Variants in LRP1 observed in about 807,000 individuals in gnomAD.
The protein encoded by LRP1 is LDL receptor related protein 1, also known as prolow-density lipoprotein receptor-related protein 1.
In LRP1, 51 loss-of-function variants were observed where a neutral mutation model predicts 541.5. The ratio of observed to expected loss-of-function variants is 0.09; its 90% confidence interval spans 0.08 to 0.12. The LOEUF (loss-of-function observed/expected upper bound fraction) is 0.12, where lower values mean the gene tolerates loss of function less well. Among genes scored for constraint, LRP1 ranks in the 10% least tolerant of loss-of-function variants. The pLI is 1.00. For synonymous variants in LRP1, 2,219 were observed against 2,470.8 expected (o/e 0.90, Z 3.02); for missense variants, 3,878 against 6,376.2 (o/e 0.61, Z 13.34).
chr12:57,188,599 C>G (rs2036316419), intron 42 of LRP1, among the ~76,000 whole-genome samples: 1 of 152,190 alleles, frequency 6.6e-6, no homozygotes, highest in South Asian at 2.1e-4. Flanking sequence ...TGGAGCTTCC[C>G]TGGAGGGTCC....
Position 57,173,815 on chromosome 12 carries a change from G to A in LRP1, c.3382G>A (p.Asp1128Asn), listed in dbSNP as rs774179421. The change falls in exon 22 of 89, where the codon GAC (aspartate) becomes AAC (asparagine). Residue 1128 changes from aspartate to asparagine, a missense_variant. Physicochemically the swap from Asp to Asn is conservative, Grantham distance 23. Coordinates refer to ENST00000243077, the MANE Select transcript of LRP1 (RefSeq NM_002332.3). This position sits in a 1 kb window ranked among gnomAD's most constrained non-coding sequence, Gnocchi z 4.7. ...CISKAWVCDG[D>N]NDCEDNSDEE... ...CAGCAAAGCGTGGGTGTGTGATGGCGACAATGACTGTGAGGATAACTCGGA... is the reference window on the plus strand; with the variant it reads ...CAGCAAAGCGTGGGTGTGTGATGGCAACAATGACTGTGAGGATAACTCGGA... The A allele has an allele frequency of 7.4e-6, 12 of 1,614,180 alleles. No individual in the cohort carries two copies. Among genetic ancestry groups the A allele is most frequent in the Non-Finnish European group, 9.3e-6 (11 of 1,180,032 alleles).
At position 57,145,343 on chromosome 12, in the gene LRP1, G is replaced by A. The variant is rs1480504467; in HGVS notation, c.694G>A (p.Ala232Thr). ...ACCTACGAGCACGCGGCAGACCACAGCCATGGACTTCAGCTATGCCAACGA... is the reference window on the plus strand; with the variant it reads ...ACCTACGAGCACGCGGCAGACCACAACCATGGACTTCAGCTATGCCAACGA... ...ITPTSTRQTT[A>T]MDFSYANETV... The change falls in exon 6 of 89, where the codon GCC (alanine) becomes ACC (threonine). Residue 232 changes from alanine to threonine, a missense_variant. By Grantham distance (58) the Ala-to-Thr change is moderately conservative. Coordinates refer to ENST00000243077, the MANE Select transcript of LRP1 (RefSeq NM_002332.3). 4 of 1,614,068 alleles carry A rather than the reference G, an allele frequency of 2.5e-6. No homozygotes were observed. Among genetic ancestry groups the A allele is most frequent in the Non-Finnish European group, 3.4e-6 (4 of 1,180,050 alleles).
At position 57,197,430 on chromosome 12, in the gene LRP1, A is replaced by G; in HGVS notation, c.9162+46A>G. On this transcript the variant is annotated intron_variant, in intron 57 of 88. Coordinates refer to ENST00000243077, the MANE Select transcript of LRP1 (RefSeq NM_002332.3). The surrounding 1 kb of genome is among the most constrained non-coding windows in gnomAD (Gnocchi z 4.5). ...TCCCCGCTGCCCATCTCCCAGACCC[A>G]GCACAGCCTCCCTTGCAAGTCTCCC... 3 of 1,610,386 alleles carry G rather than the reference A, an allele frequency of 1.9e-6. No individual in the cohort carries two copies. The highest frequency in any genetic ancestry group is 2.5e-6 in the Non-Finnish European group (3 of 1,177,166).
intron 11 of LRP1, among the ~76,000 whole-genome samples, chr12:57,159,250 C>T (rs1192921005): frequency 1.3e-5 from 2 of 152,164 alleles, no homozygotes; most frequent in Non-Finnish European, 2.9e-5. Context: ...CAGTTATAAC[C>T]TTTGCCCTGC....
intron 41 of LRP1, among the ~76,000 whole-genome samples, chr12:57,186,546 G>A (rs1033848047): frequency 1.3e-5 from 2 of 152,250 alleles, no homozygotes; most frequent in African/African-American, 2.4e-5. Flanking sequence ...TAGGTGCTAC[G>A]TATACAGACC....
chr12:57,173,654 G>T lies in LRP1; in HGVS notation c.3347-126G>T. The T allele has an allele frequency of 2.0e-6, 2 of 983,994 alleles. No individual in the cohort carries two copies. Among genetic ancestry groups the T allele is most frequent in the Non-Finnish European group, 3.1e-6 (2 of 644,312 alleles). 61.0% of individuals were successfully genotyped at this position (983,994 alleles called of 1,614,324 possible). On this transcript the variant is annotated intron_variant, in intron 21 of 88. Transcript: ENST00000243077. The surrounding 1 kb of genome is among the most constrained non-coding windows in gnomAD (Gnocchi z 4.7). ...GTGAATTTGACCCAAAAAGCCTCGG[G>T]GTTCCTCGTGGACCCCACAGCGTTG...
At chr12:57,146,083 G>A (rs2035400549) in intron 6 of LRP1, among the ~76,000 whole-genome samples, 1 of 152,158 alleles carries the variant, frequency 6.6e-6, no homozygotes, top group African/African-American at 2.4e-5. Flanking sequence ...TTCCATTCAG[G>A]CTTCTCCCTA....
At chr12:57,190,717 G>A (rs1197149300) in intron 42 of LRP1, 88 bp from the exon 43 acceptor site, 1 of 1,265,408 alleles carries the variant, frequency 7.9e-7, no homozygotes, top group Non-Finnish European at 1.1e-6. Flanking sequence ...CAGGCTTCCA[G>A]GTTCCAGGTG....
At chr12:57,137,504 T>C (rs1168454612) in intron 1 of LRP1, among the ~76,000 whole-genome samples, 1 of 152,178 alleles carries the variant, frequency 6.6e-6, no homozygotes, top group African/African-American at 2.4e-5. Context: ...GGATGTCTAC[T>C]GAAAGTCTCC....
In LRP1 at chr12:57,201,690, C is replaced by T. The variant is rs2036659439; in HGVS notation, c.10468+71C>T. On this transcript the variant is annotated intron_variant, in intron 66 of 88. Coordinates refer to ENST00000243077, the MANE Select transcript of LRP1 (RefSeq NM_002332.3). The surrounding 1 kb of genome is among the most constrained non-coding windows in gnomAD (Gnocchi z 6.4). ...TGCTCACACCACCCCGACGTGTGAC[C>T]CCCTCAGTGGCTGCTCCCTCACTCT... 12 of 1,594,814 alleles carry T rather than the reference C, an allele frequency of 7.5e-6. No homozygotes were observed. The highest frequency in any genetic ancestry group is 1.3e-5 in the African/African-American group (1 of 74,820).
Position 57,173,193 on chromosome 12 carries a change from C to T in LRP1, c.3189C>T (p.His1063=). 6.2e-7 allele frequency: 1 copy of T among 1,612,540 alleles called. No individual in the cohort carries two copies. The highest frequency in any genetic ancestry group is 8.5e-7 in the Non-Finnish European group (1 of 1,179,140). ...NQATRPPGGC[H]TDEFQCRLDG... is the part of the protein sequence containing the mutation. ...CCACGAGGCCCCCTGGTGGCTGCCA[C>T]ACTGATGAGTTCCAGTGCCGGCTGG... The change falls in exon 21 of 89, where the codon CAC becomes CAT. Residue 1063 remains histidine, a synonymous_variant. Coordinates refer to ENST00000243077, the MANE Select transcript of LRP1 (RefSeq NM_002332.3). This position sits in a 1 kb window ranked among gnomAD's most constrained non-coding sequence, Gnocchi z 4.7.
chr12:57,174,137 G>T (rs1230547350), intron 22 of LRP1, among the ~76,000 whole-genome samples, 157 bp downstream of exon 22: 1 of 152,232 alleles, frequency 6.6e-6, no homozygotes, highest in East Asian at 1.9e-4. Context: ...GTGTGGACCT[G>T]GCGCTCCCCA....
chr12:57,191,663 C>G, intron 44 of LRP1, 151 bp downstream of exon 44: 1 of 615,100 alleles, frequency 1.6e-6, no homozygotes, highest in South Asian at 2.2e-5. Context: ...ACACACCACA[C>G]CACATACACA....
In LRP1 at chr12:57,204,297, G is replaced by T; in HGVS notation, c.10952-113G>T. On this transcript the variant is annotated intron_variant, in intron 70 of 88. Transcript: ENST00000243077. This position sits in a 1 kb window ranked among gnomAD's most constrained non-coding sequence, Gnocchi z 5.3. ...ATTTAAGAGACCTGGTTCCAATTTG[G>T]CTGTGCCACTGCTTGCCTGGTGACC... is the stretch of plus-strand genomic sequence containing the variant. 1.6e-6 allele frequency: 2 copies of T among 1,249,378 alleles called. No homozygotes were observed. Among genetic ancestry groups the T allele is most frequent in the Non-Finnish European group, 2.2e-6 (2 of 928,720 alleles). 77.4% of individuals were successfully genotyped at this position (1,249,378 alleles called of 1,614,324 possible). A position where few individuals can be genotyped will look rare whatever the true frequency, so the allele number is the denominator to read the frequency against.
At position 57,198,272 on chromosome 12, in the gene LRP1, G is replaced by A. The variant is rs2036576660; in HGVS notation, c.9399G>A (p.Gly3133=). 6.2e-7 allele frequency: 1 copy of A among 1,613,924 alleles called. No individual in the cohort carries two copies. Among genetic ancestry groups the A allele is most frequent in the African/African-American group, 1.3e-5 (1 of 75,028 alleles). ...RDTIEVSKLN[G]AYRTVLVSSG... is the part of the protein sequence containing the mutation. ...CCATCGAGGTGTCCAAGCTCAATGGGGCCTATCGGACGGTGCTGGTCAGCT... is the reference window on the plus strand; with the variant it reads ...CCATCGAGGTGTCCAAGCTCAATGGAGCCTATCGGACGGTGCTGGTCAGCT... Residue 3133 remains glycine, a synonymous_variant, in exon 59 of 89, where the codon GGG becomes GGA. Transcript: ENST00000243077.
At chr12:57,203,347 G>C (rs1259866602) in intron 69 of LRP1, 42 bp from the exon 70 acceptor site, 1 of 1,590,540 alleles carries the variant, frequency 6.3e-7, no homozygotes, top group Admixed American at 1.7e-5. Flanking sequence ...AGGGCTTGGG[G>C]AGTGCCGAGA....
rs950519354 is a variant in LRP1, at chr12:57,208,448, G to A, written c.12038+232G>A. On this transcript the variant is annotated intron_variant, in intron 77 of 88. Transcript: ENST00000243077. Reference sequence around the variant, plus strand: ...GCAGGGATCTGACCTCTGCTTGGCCGGCTGTCATGCACAGCCACACTCTGC... The same window carrying A: ...GCAGGGATCTGACCTCTGCTTGGCCAGCTGTCATGCACAGCCACACTCTGC... The A allele has an allele frequency of 5.3e-5, 32 of 601,202 alleles. No individual in the cohort carries two copies. In the African/African-American group the frequency reaches 5.4e-4, roughly 10 times the overall value. The allele number at this position is 601,202 out of a possible 1,614,324, so 37.2% of individuals were successfully genotyped here. A position where few individuals can be genotyped will look rare whatever the true frequency, so the allele number is the denominator to read the frequency against.
At position 57,208,701 on chromosome 12, in the gene LRP1, C is replaced by T. The variant is rs112971614; in HGVS notation, c.12039-10C>T. 1.3e-6 allele frequency: 2 copies of T among 1,591,464 alleles called. No homozygotes were observed. The highest frequency in any genetic ancestry group is 1.7e-6 in the Non-Finnish European group (2 of 1,161,584). On this transcript the variant is annotated splice_polypyrimidine_tract_variant and intron_variant, in intron 77 of 88. Coordinates refer to ENST00000243077, the MANE Select transcript of LRP1 (RefSeq NM_002332.3). ...CGGCCTGCCCACACTCACCCCTTCT[C>T]CCTCCCCAGGACCATGTACTGGTCA...
At chr12:57,132,594 C>T (rs1243839416) in intron 1 of LRP1, among the ~76,000 whole-genome samples, 1 of 152,212 alleles carries the variant, frequency 6.6e-6, no homozygotes, top group Non-Finnish European at 1.5e-5. Context: ...ACTGAGCCCC[C>T]TTCCTGGCTT....
Sources: gnomAD v4.1 joint callset for allele counts (sites outside exome capture counted in the v4.1 genomes callset) on GRCh38, gnomAD v4.1.1 for gene constraint, Gnocchi (gnomAD v3.1) non-coding constraint, MANE v1.5 for transcripts, NCBI Gene and HGNC (gene_info 2026-07-23, HGNC 2026-07-21) for gene names.